Variants in LPP observed in about 807,000 individuals in gnomAD.
The protein encoded by LPP is lipoma-preferred partner.
In LPP, 38 loss-of-function variants were observed where a neutral mutation model predicts 60.4. That is an observed-to-expected ratio of 0.63 (90% CI 0.49 to 0.83). The LOEUF (loss-of-function observed/expected upper bound fraction) is 0.83. LPP is among the 40% of genes least tolerant of loss of function. The pLI is 0.00. For synonymous variants in LPP, 328 were observed against 290.8 expected (o/e 1.13, Z -1.30); for missense variants, 902 against 783.6 (o/e 1.15, Z -1.80).
chr3:188,430,634 A>G (rs1790655814), intron 4 of LPP, among the ~76,000 whole-genome samples: 1 of 152,228 alleles, frequency 6.6e-6, no homozygotes, highest in South Asian at 2.1e-4. Flanking sequence ...AGTTAGAGTA[A>G]TAGATGCAGA....
chr3:188,649,326 A>G (rs1186150703), intron 7 of LPP, among the ~76,000 whole-genome samples: 3 of 152,230 alleles, frequency 2.0e-5, no homozygotes, highest in African/African-American at 7.2e-5. Context: ...AAAGAAAAAT[A>G]TATCCTTGGA....
chr3:188,224,408 G>GC (rs1716949161), intron 1 of LPP, among the ~76,000 whole-genome samples: 1 of 152,170 alleles, frequency 6.6e-6, no homozygotes, highest in Admixed American at 6.5e-5. Context: ...TTTTATAACA[G>GC]CCCTTGCCTT....
intron 1 of LPP, among the ~76,000 whole-genome samples, chr3:188,206,718 C>G (rs1733332486): frequency 6.6e-6 from 1 of 152,154 alleles, no homozygotes; most frequent in Non-Finnish European, 1.5e-5. Flanking sequence ...GGAGTACAGT[C>G]TAGAATTGCA....
chr3:188,795,630 T>C (rs1399462019), intron 9 of LPP, among the ~76,000 whole-genome samples: 2 of 152,170 alleles, frequency 1.3e-5, no homozygotes, highest in African/African-American at 4.8e-5. Context: ...GGCCACACTG[T>C]ATACCCCCAA....
At chr3:188,375,035 C>T (rs1424500288) in intron 3 of LPP, among the ~76,000 whole-genome samples, 4 of 152,142 alleles carry the variant, frequency 2.6e-5, no homozygotes, top group Admixed American at 2.0e-4. Context: ...GTTGAACCAG[C>T]CTTGCATCCC....
At chr3:188,548,549 C>A (rs1345465936) in intron 6 of LPP, among the ~76,000 whole-genome samples, 4 of 152,158 alleles carry the variant, frequency 2.6e-5, no homozygotes, top group Admixed American at 2.6e-4. Context: ...TTTATCCATG[C>A]ATTGGTTCAT....
In LPP at chr3:188,694,723, A is replaced by G. The variant is rs1011568578; in HGVS notation, c.1114-13544A>G. On this transcript the variant is annotated intron_variant, in intron 7 of 11. Coordinates refer to ENST00000617246, the MANE Select transcript of LPP (RefSeq NM_001375462.1). ...AAAAAAAAAAAAATAAATAAAAACTAAAAAACAACCATGTCTCTCAAAGCC... is the reference window on the plus strand; with the variant it reads ...AAAAAAAAAAAAATAAATAAAAACTGAAAAACAACCATGTCTCTCAAAGCC... Among the ~76,000 whole-genome samples the G allele has an allele frequency of 3.9e-5, 6 of 152,146 alleles. No individual in the cohort carries two copies. In the South Asian group the frequency reaches 1.0e-3, roughly 26 times the overall value.
At chr3:188,691,696 A>G (rs142792629) in intron 7 of LPP, among the ~76,000 whole-genome samples, 3 of 152,370 alleles carry the variant, frequency 2.0e-5, no homozygotes, top group Non-Finnish European at 4.4e-5. Flanking sequence ...CAGAAAGTTT[A>G]TGATAGAGAG....
chr3:188,260,802 G>A (rs1733340538), intron 2 of LPP, among the ~76,000 whole-genome samples: 1 of 152,112 alleles, frequency 6.6e-6, no homozygotes, highest in African/African-American at 2.4e-5. Context: ...GGAGGCTGAG[G>A]CGGGCAGATG....
chr3:188,310,082 CCAT>C lies in LPP; in HGVS notation c.-66-31580_-66-31578del, dbSNP rs536054763. On this transcript the variant is annotated intron_variant, in intron 2 of 11. Coordinates refer to ENST00000617246, the MANE Select transcript of LPP (RefSeq NM_001375462.1). ...AACACCCAAAACCTCACCACCACCA[CCAT>C]GACTGCCAACAAAACCCAGTGCTGT... 3.5e-4 allele frequency among the ~76,000 whole-genome samples: 53 copies of C among 152,266 alleles called. 1 individual carries two copies. The South Asian group carries it at 3.9e-3, about 11-fold the overall frequency.
chr3:188,284,767 A>G (rs1383309974), intron 2 of LPP, among the ~76,000 whole-genome samples: 1 of 152,214 alleles, frequency 6.6e-6, no homozygotes, highest in Non-Finnish European at 1.5e-5. Context: ...GCGAGAGACA[A>G]AAACGGGCAG....
At chr3:188,753,694 G>T (rs1728933625) in intron 8 of LPP, among the ~76,000 whole-genome samples, 1 of 151,696 alleles carries the variant, frequency 6.6e-6, no homozygotes, top group East Asian at 1.9e-4. Flanking sequence ...TAATGTGACT[G>T]TCTCCGAAAC....
intron 9 of LPP, among the ~76,000 whole-genome samples, chr3:188,846,758 G>A (rs1189581736): frequency 6.6e-6 from 1 of 151,462 alleles, no homozygotes; most frequent in Non-Finnish European, 1.5e-5. Context: ...TATCTGGCTA[G>A]AATATAGGGT....
At chr3:188,870,863 A>T (rs763162979) in intron 10 of LPP, among the ~76,000 whole-genome samples, 27 of 152,216 alleles carry the variant, frequency 1.8e-4, no homozygotes, top group Non-Finnish European at 3.5e-4. Context: ...CTCAGCAAGA[A>T]TACAGTTTAT....
rs141254146 is a variant in LPP at position 188,213,747 on chromosome 3, T to G, written c.-189-11658T>G. ...TGCTCTCCTTTGCTCCCTATATCTT[T>G]CTCTTTCACGAAAGGGGATGATCAC... is the stretch of plus-strand genomic sequence containing the variant. On this transcript the variant is annotated intron_variant, in intron 1 of 11. Transcript: ENST00000617246. 3.2e-3 allele frequency among the ~76,000 whole-genome samples: 484 copies of G among 152,190 alleles called. 4 individuals are homozygous for G. The highest frequency in any genetic ancestry group is 0.011 in the African/African-American group (465 of 41,508).
chr3:188,485,362 A>G (rs62289632), intron 5 of LPP, among the ~76,000 whole-genome samples: 2,209 of 152,342 alleles, frequency 0.015, 31 homozygotes, highest in Non-Finnish European at 0.022. Context: ...AAGCTGAAGA[A>G]GTGCTTTATG....
intron 2 of LPP, among the ~76,000 whole-genome samples, chr3:188,276,709 C>G (rs1355464245): frequency 8.9e-6 from 1 of 112,518 alleles, no homozygotes; most frequent in Non-Finnish European, 2.0e-5. Flanking sequence ...CTCTCTCTCT[C>G]TCTCTCTCTC....
At chr3:188,298,339 T>TA (rs1157133187) in intron 2 of LPP, among the ~76,000 whole-genome samples, 2 of 152,214 alleles carry the variant, frequency 1.3e-5, no homozygotes, top group Non-Finnish European at 2.9e-5. Context: ...TTGTCCACCA[T>TA]GAGCACAGGC....
chr3:188,250,966 T>TCCCTTCCCTTCCCTTCCCTC (rs1560159459), intron 2 of LPP, among the ~76,000 whole-genome samples: 1 of 21,584 alleles, frequency 4.6e-5, no homozygotes, highest in African/African-American at 2.4e-4. Context: ...TCCCTTCCCT[T>TCCCTTCCCTTCCCTTCCCTC]CCCTTCCCTT....
Sources: gnomAD v4.1 joint callset for allele counts (sites outside exome capture counted in the v4.1 genomes callset) on GRCh38, gnomAD v4.1.1 for gene constraint, MANE v1.5 for transcripts, NCBI Gene and HGNC (gene_info 2026-07-23, HGNC 2026-07-21) for gene names.